The following SPAG16 variants were observed in gnomAD, a reference collection of about 807,000 sequenced individuals.
The protein encoded by SPAG16 is sperm associated antigen 16.
SPAG16 carries 86 observed loss-of-function variants against 80.4 expected under a neutral mutation model. The observed-to-expected ratio is 1.07, with a 90% CI of 0.90 to 1.28. The LOEUF (loss-of-function observed/expected upper bound fraction) is 1.28. Ranked by LOEUF, SPAG16 falls within the 50% of genes most tolerant of loss-of-function variation. The pLI is 0.00. For synonymous variants in SPAG16, 294 were observed against 265.9 expected (o/e 1.11, Z -1.03); for missense variants, 870 against 765.3 (o/e 1.14, Z -1.61).
intron 11 of SPAG16, among the ~76,000 whole-genome samples, chr2:213,876,739 T>C (rs926258538): frequency 6.6e-6 from 1 of 152,178 alleles, no homozygotes; most frequent in African/African-American, 2.4e-5. Flanking sequence ...GGTTATTGGC[T>C]GGCCTTGTTT....
intron 13 of SPAG16, among the ~76,000 whole-genome samples, chr2:214,073,162 C>T (rs2125232394): frequency 6.6e-6 from 1 of 151,478 alleles, no homozygotes; most frequent in Middle Eastern, 3.4e-3. Context: ...CAACTACCTA[C>T]CAAAATTGGT....
intron 12 of SPAG16, among the ~76,000 whole-genome samples, chr2:214,010,994 TGATA>T (rs976398200): frequency 1.4e-5 from 2 of 146,064 alleles, no homozygotes; most frequent in African/African-American, 2.7e-5. Flanking sequence ...TTTTAGATAG[TGATA>T]GATCTTGTCT....
intron 12 of SPAG16, among the ~76,000 whole-genome samples, chr2:213,980,725 T>TATATATATATATATATATATATAG (rs374274176): frequency 3.8e-5 from 4 of 103,990 alleles, no homozygotes; most frequent in Non-Finnish European, 6.9e-5. Flanking sequence ...TATATATATA[T>TATATATATATATATATATATATAG]AGAGAGAGAG....
chr2:213,450,294 ACT>A (rs770487208), intron 9 of SPAG16, among the ~76,000 whole-genome samples: 3 of 152,200 alleles, frequency 2.0e-5, no homozygotes, highest in Non-Finnish European at 2.9e-5. Flanking sequence ...ACAGAGCCAG[ACT>A]CTGTCTCAAA....
At chr2:214,301,539 C>G (rs1007372442) in intron 15 of SPAG16, among the ~76,000 whole-genome samples, 9 of 152,068 alleles carry the variant, frequency 5.9e-5, no homozygotes, top group African/African-American at 2.2e-4. Flanking sequence ...TGGAATTTAT[C>G]CATTTCCTCT....
At chr2:213,963,414 C>A (rs78545872) in intron 12 of SPAG16, among the ~76,000 whole-genome samples, 3 of 151,946 alleles carry the variant, frequency 2.0e-5, no homozygotes, top group East Asian at 1.9e-4. Context: ...ACGATTTCTA[C>A]GATTTAATTT....
At chr2:214,113,884 C>T (rs1383269794) in intron 14 of SPAG16, among the ~76,000 whole-genome samples, 1 of 152,154 alleles carries the variant, frequency 6.6e-6, no homozygotes, top group Non-Finnish European at 1.5e-5. Flanking sequence ...GAGCTGTGAT[C>T]CTTTGGAGGA....
chr2:213,826,099 A>G (rs1244704260), intron 10 of SPAG16, among the ~76,000 whole-genome samples: 1 of 151,884 alleles, frequency 6.6e-6, no homozygotes, highest in East Asian at 1.9e-4. Flanking sequence ...ATTAGTTGAA[A>G]TAACTCTTTT....
intron 10 of SPAG16, among the ~76,000 whole-genome samples, chr2:213,820,099 G>A (rs2072848513): frequency 6.6e-6 from 1 of 151,654 alleles, no homozygotes; most frequent in Admixed American, 6.6e-5. Flanking sequence ...TTTTGAGATA[G>A]GATCTCACTG....
At chr2:213,590,460 CAAAT>C (rs1241134903) in intron 10 of SPAG16, among the ~76,000 whole-genome samples, 19 of 144,074 alleles carry the variant, frequency 1.3e-4, no homozygotes, top group South Asian at 4.4e-4. Context: ...AAAAAAAAAA[CAAAT>C]AACCCCATTA....
intron 10 of SPAG16, among the ~76,000 whole-genome samples, chr2:213,709,839 C>T (rs948304416): frequency 2.6e-5 from 4 of 152,160 alleles, no homozygotes; most frequent in Non-Finnish European, 5.9e-5. Context: ...TCTCAGAATA[C>T]ACAGGTTTGA....
chr2:213,395,717 C>A (rs1261224227), intron 9 of SPAG16, among the ~76,000 whole-genome samples: 1 of 152,180 alleles, frequency 6.6e-6, no homozygotes, highest in African/African-American at 2.4e-5. Context: ...TTTCAGAGTT[C>A]CCCTTAGATT....
In SPAG16 at chr2:213,350,193, G is replaced by C. The variant is rs769122779; in HGVS notation, c.645-335G>C. Among the ~76,000 whole-genome samples the C allele has an allele frequency of 1.1e-4, 16 of 152,058 alleles. 1 individual carries two copies. The highest frequency in any genetic ancestry group is 2.1e-4 in the Non-Finnish European group (14 of 68,004). On this transcript the variant is annotated intron_variant, in intron 6 of 15. Coordinates refer to ENST00000331683, the MANE Select transcript of SPAG16 (RefSeq NM_024532.5). ...GTTTGTGGCCCTTGTCTTTCTGATA[G>C]TTATTTCCAAATTGACAAAAGGAAT...
intron 7 of SPAG16, among the ~76,000 whole-genome samples, chr2:213,358,284 C>T (rs1043053867): frequency 5.9e-5 from 9 of 152,036 alleles, no homozygotes; most frequent in Non-Finnish European, 8.8e-5. Flanking sequence ...TCTGTATTTC[C>T]TGAATTTGAA....
chr2:213,402,214 G>A (rs1448889537), intron 9 of SPAG16, among the ~76,000 whole-genome samples: 2 of 151,666 alleles, frequency 1.3e-5, no homozygotes, highest in Admixed American at 6.6e-5. Context: ...TATTTAGGTG[G>A]CATGTCTTTT....
intron 9 of SPAG16, among the ~76,000 whole-genome samples, chr2:213,392,858 A>C (rs1412407448): frequency 2.0e-5 from 3 of 152,054 alleles, no homozygotes; most frequent in Admixed American, 1.3e-4. Flanking sequence ...AAAAAAAAAA[A>C]AACAGTGTTG....
At chr2:213,830,605 T>C (rs1479362946) in intron 10 of SPAG16, among the ~76,000 whole-genome samples, 1 of 152,182 alleles carries the variant, frequency 6.6e-6, no homozygotes, top group Non-Finnish European at 1.5e-5. Context: ...GTTCTTTTAT[T>C]AGTAAATTAT....
At chr2:214,293,286 T>A (rs796073211) in intron 15 of SPAG16, among the ~76,000 whole-genome samples, 23 of 152,276 alleles carry the variant, frequency 1.5e-4, no homozygotes, top group African/African-American at 5.5e-4. Flanking sequence ...GGTGTTGGTG[T>A]TGTCAGTGGC....
At chr2:213,676,060 A>T (rs1400085117) in intron 10 of SPAG16, among the ~76,000 whole-genome samples, 1 of 151,940 alleles carries the variant, frequency 6.6e-6, no homozygotes, top group Non-Finnish European at 1.5e-5. Flanking sequence ...CTTTTATTTC[A>T]CTGAGCAGTG....
Sources: gnomAD v4.1 joint callset for allele counts (sites outside exome capture counted in the v4.1 genomes callset) on GRCh38, gnomAD v4.1.1 for gene constraint, MANE v1.5 for transcripts, NCBI Gene and HGNC (gene_info 2026-07-23, HGNC 2026-07-21) for gene names.